DENND2B: variants seen among roughly 807,000 people sequenced by gnomAD.
DENND2B encodes DENN domain containing 2B.
DENND2B carries 32 observed loss-of-function variants against 116.0 expected under a neutral mutation model. That is an observed-to-expected ratio of 0.28 (90% CI 0.21 to 0.37). DENND2B has a LOEUF of 0.37. DENND2B is among the 10% of genes least tolerant of loss of function. DENND2B has a pLI of 1.00. For synonymous variants in DENND2B, 588 were observed against 583.9 expected (o/e 1.01, Z -0.10); for missense variants, 1,276 against 1,477.7 (o/e 0.86, Z 2.24).
intron 1 of DENND2B, chr11:8,774,190 C>T: frequency 1.0e-6 from 1 of 985,456 alleles, no homozygotes; most frequent in East Asian, 1.1e-4. Context: ...ACGTTGGGTT[C>T]TTGACAACTG....
intron 1 of DENND2B, among the ~76,000 whole-genome samples, chr11:8,752,551 G>A (rs1181935392): frequency 3.3e-5 from 5 of 152,160 alleles, no homozygotes; most frequent in East Asian, 1.9e-4. Context: ...AAACCATTAC[G>A]ATAAAGTAAC....
At chr11:8,794,385 C>G (rs2059637137) in intron 1 of DENND2B, among the ~76,000 whole-genome samples, 1 of 152,206 alleles carries the variant, frequency 6.6e-6, no homozygotes, top group African/African-American at 2.4e-5. Context: ...TGTGTGGACC[C>G]ACCCACGTGG....
intron 4 of DENND2B, among the ~76,000 whole-genome samples, chr11:8,722,347 G>A (rs1367976398): frequency 6.6e-6 from 1 of 152,184 alleles, no homozygotes; most frequent in African/African-American, 2.4e-5. Flanking sequence ...CCAAGATGGA[G>A]ATGAGCACTA....
At chr11:8,704,418 G>T (rs1238839121) in intron 13 of DENND2B, among the ~76,000 whole-genome samples, 1 of 152,206 alleles carries the variant, frequency 6.6e-6, no homozygotes, top group Non-Finnish European at 1.5e-5. Flanking sequence ...AGGTGGCCAG[G>T]GCCAGACCAT....
At chr11:8,724,269 C>T (rs2046701623) in intron 4 of DENND2B, among the ~76,000 whole-genome samples, 1 of 151,430 alleles carries the variant, frequency 6.6e-6, no homozygotes, top group African/African-American at 2.4e-5. Context: ...GCACTCCAGC[C>T]TGGGTGACAG....
At position 8,715,255 on chromosome 11, in the gene DENND2B, A is replaced by C. The variant is rs2044523537; in HGVS notation, c.1845+348T>G. Among the ~76,000 whole-genome samples, 5 of 152,182 alleles carry C rather than the reference A, an allele frequency of 3.3e-5. No individual in the cohort carries two copies. The South Asian group carries it at 1.0e-3, about 32-fold the overall frequency. On this transcript the variant is annotated intron_variant, in intron 6 of 19. Transcript: ENST00000313726. ...TTGCTGAAAATTCTTCAATGCTGAG[A>C]GTTATAGGAAGAACCCTTGTTTGAG...
At position 8,870,224 on chromosome 11, in the gene DENND2B, A is replaced by G. The variant is rs1426820972; in HGVS notation, c.-250+730T>C. ...TGAAGAAGTTATTTTATTCATATTA[A>G]TCATCAACTACTTTCATATAAAGAT... On this transcript the variant is annotated intron_variant, in intron 2 of 6. Coordinates refer to the DENND2B transcript ENST00000524757. 1.3e-5 allele frequency among the ~76,000 whole-genome samples: 2 copies of G among 152,228 alleles called. 1 individual carries two copies.
At chr11:8,888,005 G>A (rs1318622913) in intron 1 of DENND2B, among the ~76,000 whole-genome samples, 1 of 152,200 alleles carries the variant, frequency 6.6e-6, no homozygotes, top group East Asian at 1.9e-4. Flanking sequence ...ACAAAATGTG[G>A]AGAAGGAGAC....
intron 3 of DENND2B, among the ~76,000 whole-genome samples, chr11:8,839,629 C>A (rs995699775): frequency 1.3e-5 from 2 of 152,188 alleles, no homozygotes; most frequent in Non-Finnish European, 2.9e-5. Context: ...TCCCCAGTGA[C>A]CCCTCCTGTC....
At chr11:8,767,696 T>C (rs893245145) in intron 1 of DENND2B, among the ~76,000 whole-genome samples, 1 of 152,100 alleles carries the variant, frequency 6.6e-6, no homozygotes, top group African/African-American at 2.4e-5. Context: ...CCTACCACAC[T>C]CCACTCAGTT....
chr11:8,697,528 C>T lies in DENND2B; in HGVS notation c.3049G>A (p.Asp1017Asn), dbSNP rs2040592835. The T allele has an allele frequency of 5.0e-6, 8 of 1,613,412 alleles. No homozygotes were observed. Among genetic ancestry groups the T allele is most frequent in the Admixed American group, 3.3e-5 (2 of 60,008 alleles). The change falls in exon 17 of 20, where the codon GAT (aspartate) becomes AAT (asparagine). Residue 1017 changes from aspartate to asparagine, a missense_variant. Physicochemically the swap from Asp to Asn is conservative, Grantham distance 23. This residue lies in a region of DENND2B where 420 missense variants were observed against 631.1 expected (regional missense o/e 0.67). Coordinates refer to ENST00000313726, the MANE Select transcript of DENND2B (RefSeq NM_213618.2). The stretch of plus-strand genomic sequence containing the variant: ...CGTGCCCGGGCACTATTCTCACCAT[C>T]GTCGGAGTCGCTGTCAGAGTCCTGG... ...ISQDSDSDSD[D>N]ECNTLNGLVS...
chr11:8,879,903 C>T (rs1209833144), intron 2 of DENND2B, among the ~76,000 whole-genome samples: 3 of 152,200 alleles, frequency 2.0e-5, no homozygotes, highest in South Asian at 2.1e-4. Context: ...AATAATGGAA[C>T]GATAAATGCT....
chr11:8,892,911 T>C (rs1344784836), intron 1 of DENND2B, among the ~76,000 whole-genome samples: 1 of 152,214 alleles, frequency 6.6e-6, no homozygotes, highest in Non-Finnish European at 1.5e-5. Flanking sequence ...GCCAGCATCA[T>C]TCTGATACCA....
chr11:8,718,410 G>A lies in DENND2B; in HGVS notation c.1478-518C>T, dbSNP rs545787015. 215 of 1,530,400 alleles carry A rather than the reference G, an allele frequency of 1.4e-4. No individual in the cohort carries two copies. In the East Asian group the frequency reaches 2.5e-3, roughly 18 times the overall value. 94.8% of individuals were successfully genotyped at this position (1,530,400 alleles called of 1,614,324 possible). A position where few individuals can be genotyped will look rare whatever the true frequency, so the allele number is the denominator to read the frequency against. On this transcript the variant is annotated intron_variant, in intron 4 of 19. Coordinates refer to ENST00000313726, the MANE Select transcript of DENND2B (RefSeq NM_213618.2). ...ACAGAACCGTAGGGAGCAGGGCTTC[G>A]CCAGGCCCCCTTCTCACCTACGATG...
At chr11:8,784,027 C>A (rs180867233) in intron 1 of DENND2B, 2 of 152,208 alleles carry the variant, frequency 1.3e-5, no homozygotes, top group Non-Finnish European at 2.9e-5. Context: ...AGATTCTGAA[C>A]CTGCCACAGG....
intron 17 of DENND2B, 34 bp downstream of exon 17, chr11:8,697,491 A>G (rs1344703146): frequency 1.9e-6 from 3 of 1,549,234 alleles, no homozygotes; most frequent in Non-Finnish European, 2.7e-6. Flanking sequence ...GGGAGCCTGG[A>G]GCAGAGCTGA....
intron 1 of DENND2B, among the ~76,000 whole-genome samples, chr11:8,806,565 A>C (rs1369188351): frequency 7.3e-6 from 1 of 137,268 alleles, no homozygotes; most frequent in African/African-American, 2.7e-5. Flanking sequence ...TTCTTCAATA[A>C]GGTAATCTAG....
intron 2 of DENND2B, among the ~76,000 whole-genome samples, chr11:8,738,284 C>T (rs1206727873): frequency 6.6e-6 from 1 of 152,242 alleles, no homozygotes; most frequent in Non-Finnish European, 1.5e-5. Context: ...CTCCCTGTTT[C>T]TTGAGCGTCT....
intron 9 of DENND2B, 132 bp from the exon 10 acceptor site, chr11:8,711,363 C>T (rs2043645121): frequency 4.3e-6 from 3 of 699,360 alleles, no homozygotes; most frequent in Non-Finnish European, 7.4e-6. Context: ...CCTTGTCCCA[C>T]TCCGAATTCT....
Sources: gnomAD v4.1 joint callset for allele counts (sites outside exome capture counted in the v4.1 genomes callset) on GRCh38, gnomAD v4.1.1 for gene constraint, gnomAD v4.1.1 regional missense constraint, MANE v1.5 for transcripts, NCBI Gene and HGNC (gene_info 2026-07-23, HGNC 2026-07-21) for gene names.